PSD2: variants seen among roughly 807,000 people sequenced by gnomAD.
PSD2 encodes pleckstrin and Sec7 domain containing 2, also known as PH and SEC7 domain-containing protein 2.
A neutral mutation model predicts 69.8 loss-of-function variants in PSD2; 38 were observed. The observed-to-expected ratio is 0.54, with a 90% CI of 0.42 to 0.71. The LOEUF (loss-of-function observed/expected upper bound fraction) is 0.71, where lower values mean the gene tolerates loss of function less well. Ranked by LOEUF, PSD2 falls within the 30% of genes least tolerant of loss-of-function variation. The probability of loss-of-function intolerance (pLI) is 0.00; values close to 1 mark genes in which losing one functional copy is unlikely to be tolerated. For missense variants in PSD2, 943 were observed against 1,014.5 expected, an observed-to-expected ratio of 0.93 and a Z score of 0.96; for synonymous variants, 412 against 423.0, an observed-to-expected ratio of 0.97 and a Z score of 0.32.
At chr5:139,820,183 G>C (rs1760222125) in intron 5 of PSD2, among the ~76,000 whole-genome samples, 1 of 152,198 alleles carries the variant, frequency 6.6e-6, no homozygotes, top group African/African-American at 2.4e-5. Context: ...GGTGGTGGCG[G>C]CACGGGGTTG....
chr5:139,765,669 C>T, the PSD2 span, among the ~76,000 whole-genome samples: 1 of 152,368 alleles, frequency 6.6e-6, no homozygotes, highest in Admixed American at 6.5e-5. Flanking sequence ...GAGACCGAAG[C>T]GCGGGGCGCG....
At position 139,840,057 on chromosome 5, in the gene PSD2, T is replaced by C. The variant is rs753526958; in HGVS notation, c.1999T>C (p.Leu667=). ...EEQLRSHENK[L]RQLTAELAEH... is the part of the protein sequence containing the mutation. ...GCAACTGCGGTCTCATGAGAATAAG[T>C]TGAGGCAGCTGACTGCGGAGCTGGC... The change falls in exon 14 of 15, where the codon TTG becomes CTG. Residue 667 remains leucine, a synonymous_variant. Transcript: ENST00000274710. 14 of 1,614,076 alleles carry C rather than the reference T, an allele frequency of 8.7e-6. No homozygotes were observed. The highest frequency in any genetic ancestry group is 6.7e-5 in the Admixed American group (4 of 60,012).
chr5:139,775,061 T>C, the PSD2 span, among the ~76,000 whole-genome samples: 6 of 151,910 alleles, frequency 3.9e-5, no homozygotes, highest in Admixed American at 3.9e-4. Flanking sequence ...AGGTTGCTTC[T>C]GGCGCCCACC....
the PSD2 span, among the ~76,000 whole-genome samples, chr5:139,758,802 T>G: frequency 6.6e-6 from 1 of 151,734 alleles, no homozygotes; most frequent in Non-Finnish European, 1.5e-5. Context: ...TAGACAGAGG[T>G]GGCCATGATT....
intron 7 of PSD2, among the ~76,000 whole-genome samples, chr5:139,830,506 A>T (rs1475202681): frequency 7.4e-6 from 1 of 136,050 alleles, no homozygotes; most frequent in Non-Finnish European, 1.6e-5. Flanking sequence ...ATGTGCCATC[A>T]TGCCCAGCTA....
chr5:139,745,069 G>A, the PSD2 span: 1 of 152,392 alleles, frequency 6.6e-6, no homozygotes, highest in Non-Finnish European at 1.5e-5. Flanking sequence ...GGGGTCCTTG[G>A]GTCTTCTGCA....
intron 7 of PSD2, among the ~76,000 whole-genome samples, chr5:139,829,340 T>C (rs1236714945): frequency 6.6e-6 from 1 of 152,246 alleles, no homozygotes; most frequent in Non-Finnish European, 1.5e-5. Flanking sequence ...TTTATTTTCT[T>C]GTTATGAAAC....
chr5:139,800,671 C>T (rs1759648998), intron 1 of PSD2, among the ~76,000 whole-genome samples: 1 of 152,218 alleles, frequency 6.6e-6, no homozygotes, highest in African/African-American at 2.4e-5. Context: ...CGTCCTGAGG[C>T]TCCCAGTGCC....
At chr5:139,768,197 G>A in the PSD2 span, among the ~76,000 whole-genome samples, 12 of 152,382 alleles carry the variant, frequency 7.9e-5, no homozygotes, top group East Asian at 1.9e-4. Flanking sequence ...AAGGAAGGAA[G>A]TGGGGAGGGG....
intron 13 of PSD2, 60 bp downstream of exon 13, chr5:139,838,832 C>A: frequency 6.4e-7 from 1 of 1,558,298 alleles, no homozygotes; most frequent in East Asian, 2.3e-5. Context: ...CCCAGGCCCC[C>A]ATCCAGCAGC....
In PSD2 at chr5:139,837,909, C is replaced by G. The variant is rs368369446; in HGVS notation, c.1823+127C>G. ...GTATCCACATGACACAGACCGACAG[C>G]TGGGTCCCTCCAAAGCAGTGGTTCC... On this transcript the variant is annotated intron_variant, in intron 12 of 14. Coordinates refer to ENST00000274710, the MANE Select transcript of PSD2 (RefSeq NM_032289.4). This position sits in a 1 kb window ranked among gnomAD's most constrained non-coding sequence, Gnocchi z 5.0. 22 of 893,308 alleles carry G rather than the reference C, an allele frequency of 2.5e-5. No individual in the cohort carries two copies. The African/African-American group carries it at 3.7e-4, about 15-fold the overall frequency. 55.3% of individuals were successfully genotyped at this position (893,308 alleles called of 1,614,324 possible).
Position 139,813,291 on chromosome 5 carries a change from G to T in PSD2, c.372-18G>T, listed in dbSNP as rs1014001430. The T allele has an allele frequency of 1.3e-6, 2 of 1,520,168 alleles. No homozygotes were observed. The highest frequency in any genetic ancestry group is 2.8e-5 in the African/African-American group (2 of 72,622). The allele number at this position is 1,520,168 out of a possible 1,614,324, so 94.2% of individuals were successfully genotyped here. On this transcript the variant is annotated intron_variant, in intron 2 of 14. Transcript: ENST00000274710. ...GGACAGCTTGGCAGGATGGTGACTG[G>T]CTCCTTGCATCCCACAGGTTGGATG...
chr5:139,800,683 C>T (rs1391429562), intron 1 of PSD2, among the ~76,000 whole-genome samples: 1 of 152,230 alleles, frequency 6.6e-6, no homozygotes, highest in African/African-American at 2.4e-5. Flanking sequence ...CCCAGTGCCA[C>T]ACTCACTGTC....
the PSD2 span, among the ~76,000 whole-genome samples, chr5:139,755,108 GTTTAAGCCATCTGCCCCAGCCTCATGGA>G: frequency 1.3e-5 from 2 of 152,306 alleles, no homozygotes; most frequent in East Asian, 3.9e-4. Context: ...AATTCTGACA[GTTTAAGCCATCTGCCCCAGCCTCATGGA>G]TTTGAGGCAG....
chr5:139,816,756 C>T (rs1014453659), intron 4 of PSD2, among the ~76,000 whole-genome samples: 7 of 152,254 alleles, frequency 4.6e-5, no homozygotes, highest in Admixed American at 1.3e-4. Context: ...GTTCCCACCC[C>T]GATTCGGGGC....
At chr5:139,807,176 G>T (rs1561593760) in intron 1 of PSD2, among the ~76,000 whole-genome samples, 1 of 152,162 alleles carries the variant, frequency 6.6e-6, no homozygotes, top group Non-Finnish European at 1.5e-5. Flanking sequence ...ACTCAAAATG[G>T]TGGGCTCAGC....
upstream of PSD2, among the ~76,000 whole-genome samples, chr5:139,794,129 TGGGCTCTGCGGTAATGTCCTA>T (rs948690999): frequency 6.6e-6 from 1 of 152,208 alleles, no homozygotes; most frequent in African/African-American, 2.4e-5. Flanking sequence ...CCCTTGTTTC[TGGGCTCTGCGGTAATGTCCTA>T]GGGTTTGATG....
chr5:139,838,754 C>G lies in PSD2; in HGVS notation c.1950C>G (p.Cys650Trp). 1 of 1,612,198 alleles carries G rather than the reference C, an allele frequency of 6.2e-7. No individual in the cohort carries two copies. Among genetic ancestry groups the G allele is most frequent in the Non-Finnish European group, 8.5e-7 (1 of 1,178,922 alleles). Residue 650 changes from cysteine (C) to tryptophan (W), a missense_variant, in exon 13 of 15, where the codon TGC becomes TGG. Cys to Trp is a radical substitution (Grantham distance 215). Coordinates refer to ENST00000274710, the MANE Select transcript of PSD2 (RefSeq NM_032289.4). ...TCTGTCGGCCCCTGCTGCCCTCCTG[C>G]ACCACCCGCCTCTGCCAGGTACATG... ...KKFCRPLLPS[C>W]TTRLCQEEQL...
chr5:139,759,407 CCG>C, the PSD2 span, among the ~76,000 whole-genome samples: 4 of 152,108 alleles, frequency 2.6e-5, no homozygotes, highest in Non-Finnish European at 4.4e-5. Flanking sequence ...GATGCTGCCC[CCG>C]ATCGCGGTCA....
Sources: gnomAD v4.1 joint callset for allele counts (sites outside exome capture counted in the v4.1 genomes callset) on GRCh38, gnomAD v4.1.1 for gene constraint, Gnocchi (gnomAD v3.1) non-coding constraint, MANE v1.5 for transcripts, NCBI Gene and HGNC (gene_info 2026-07-23, HGNC 2026-07-21) for gene names.